The following RAPGEF1 variants were observed in gnomAD, a reference collection of about 807,000 sequenced individuals.
The protein encoded by RAPGEF1 is CRK SH3-binding GNRP.
A neutral mutation model predicts 143.3 loss-of-function variants in RAPGEF1; 33 were observed. That is an observed-to-expected ratio of 0.23 (90% CI 0.17 to 0.31). RAPGEF1 has a LOEUF of 0.31. Among genes scored for constraint, RAPGEF1 ranks in the 10% least tolerant of loss-of-function variants. RAPGEF1 has a pLI of 1.00. For synonymous variants in RAPGEF1, 629 were observed against 676.5 expected (o/e 0.93, Z 1.09); for missense variants, 1,199 against 1,645.4 (o/e 0.73, Z 4.69).
chr9:131,631,355 C>G (rs1964798159), intron 5 of RAPGEF1, among the ~76,000 whole-genome samples: 1 of 152,262 alleles, frequency 6.6e-6, no homozygotes, highest in Non-Finnish European at 1.5e-5. Context: ...CAGCCCCTGG[C>G]AGCTGCCAAT....
intron 1 of RAPGEF1, among the ~76,000 whole-genome samples, chr9:131,684,347 G>C (rs961272695): frequency 3.3e-5 from 5 of 152,306 alleles, no homozygotes; most frequent in Non-Finnish European, 5.9e-5. Flanking sequence ...AGTGTTTTGC[G>C]GTGATGGGCA....
intron 18 of RAPGEF1, 21 bp downstream of exon 18, chr9:131,592,078 G>A: frequency 6.3e-7 from 1 of 1,577,918 alleles, no homozygotes; most frequent in Non-Finnish European, 8.7e-7. Flanking sequence ...CAGGGGCCCT[G>A]GGTCAGGAAG....
intron 12 of RAPGEF1, among the ~76,000 whole-genome samples, chr9:131,606,618 C>T (rs1051682530): frequency 3.9e-5 from 6 of 152,122 alleles, no homozygotes; most frequent in African/African-American, 1.4e-4. Context: ...TTTAAACTAA[C>T]AAGAGGTCAA....
chr9:131,703,519 T>A (rs1046497010), intron 1 of RAPGEF1, among the ~76,000 whole-genome samples: 2 of 152,112 alleles, frequency 1.3e-5, no homozygotes, highest in African/African-American at 4.8e-5. Context: ...GACTCCTTCA[T>A]CCTCACAACA....
intron 20 of RAPGEF1, among the ~76,000 whole-genome samples, chr9:131,588,304 C>T (rs975829426): frequency 6.6e-6 from 1 of 152,226 alleles, no homozygotes; most frequent in African/African-American, 2.4e-5. Context: ...AGCTCATGGA[C>T]AGTTGAGATG....
intron 5 of RAPGEF1, 141 bp downstream of exon 5, chr9:131,638,494 T>C: frequency 1.1e-6 from 1 of 930,602 alleles, no homozygotes; most frequent in Non-Finnish European, 1.6e-6. Flanking sequence ...TAAGTAGTTA[T>C]GGGATAGAGC....
intron 1 of RAPGEF1, among the ~76,000 whole-genome samples, chr9:131,666,097 G>C (rs1424948873): frequency 6.6e-6 from 1 of 152,130 alleles, no homozygotes; most frequent in East Asian, 1.9e-4. Flanking sequence ...ATGACATTCA[G>C]TCTACACCAG....
rs960381402 is a variant in RAPGEF1 at position 131,621,864 on chromosome 9, A to C, written c.1837T>G (p.Phe613Val). 1 of 1,612,500 alleles carries C rather than the reference A, an allele frequency of 6.2e-7. No individual in the cohort carries two copies. Among genetic ancestry groups the C allele is most frequent in the East Asian group, 2.2e-5 (1 of 44,836 alleles). The change falls in exon 11 of 27, where the codon TTC becomes GTC. Residue 613 changes from phenylalanine (F) to valine (V), a missense_variant. Physicochemically the swap from Phe to Val is conservative, Grantham distance 50. Around this residue, in one of 6 missense-constraint regions of RAPGEF1, gnomAD observed 293 missense variants for 356.2 expected, o/e 0.82. Coordinates refer to ENST00000683357, the MANE Select transcript of RAPGEF1 (RefSeq NM_001377935.1). This position sits in a 1 kb window ranked among gnomAD's most constrained non-coding sequence, Gnocchi z 4.5. ...TCCTGCACGGAGTCCACCCCACTGAAGGAGTCGCTGAAGCCGTATACCTCC... is the reference window on the plus strand; with the variant it reads ...TCCTGCACGGAGTCCACCCCACTGACGGAGTCGCTGAAGCCGTATACCTCC... ...LMEVYGFSDSFSGVDSVQELA... is the reference protein window; with the variant it reads ...LMEVYGFSDSVSGVDSVQELA...
rs183378858 is a variant in RAPGEF1 at position 131,703,467 on chromosome 9, T to C, written c.61+36303A>G. 5.3e-5 allele frequency among the ~76,000 whole-genome samples: 8 copies of C among 152,356 alleles called. No individual in the cohort carries two copies. The East Asian group carries it at 1.5e-3, about 29-fold the overall frequency. Reference sequence around the variant, plus strand: ...TAACAATAATAAACTGACTGGATACTGACTGCACGCCAGGCACTGTCCTAA... The same window carrying C: ...TAACAATAATAAACTGACTGGATACCGACTGCACGCCAGGCACTGTCCTAA... On this transcript the variant is annotated intron_variant, in intron 1 of 26. Coordinates refer to ENST00000683357, the MANE Select transcript of RAPGEF1 (RefSeq NM_001377935.1).
intron 1 of RAPGEF1, among the ~76,000 whole-genome samples, chr9:131,712,826 T>G: frequency 6.6e-6 from 1 of 151,946 alleles, no homozygotes; most frequent in South Asian, 2.1e-4. Context: ...CAATCATGGC[T>G]CCCCCAAAAT....
intron 1 of RAPGEF1, among the ~76,000 whole-genome samples, chr9:131,692,921 A>C (rs1393647143): frequency 1.3e-5 from 2 of 152,190 alleles, no homozygotes; most frequent in African/African-American, 4.8e-5. Flanking sequence ...CTGCTTGGCT[A>C]AAACAGGTAG....
chr9:131,718,567 G>A (rs182013827), intron 1 of RAPGEF1, among the ~76,000 whole-genome samples: 63 of 152,298 alleles, frequency 4.1e-4, no homozygotes, highest in African/African-American at 1.4e-3. Context: ...GGAGTAAATC[G>A]CAGGGGTTTA....
intron 1 of RAPGEF1, among the ~76,000 whole-genome samples, chr9:131,654,474 G>A (rs780674254): frequency 9.5e-4 from 144 of 152,304 alleles, no homozygotes; most frequent in Admixed American, 2.0e-3. Context: ...ACTTTGGGAG[G>A]CTGGGGCGGG....
At chr9:131,737,567 T>C in intron 1 of RAPGEF1, 1 of 1,568,734 alleles carries the variant, frequency 6.4e-7, no homozygotes, top group Non-Finnish European at 8.7e-7. Context: ...TGAAATGAAC[T>C]GGCCTCAGGT....
At chr9:131,586,273 CACA>C (rs1952756861) in intron 22 of RAPGEF1, among the ~76,000 whole-genome samples, 4 of 148,956 alleles carry the variant, frequency 2.7e-5, no homozygotes, top group Admixed American at 6.7e-5. Flanking sequence ...CACACACACA[CACA>C]CACACACACC....
intron 20 of RAPGEF1, 79 bp from the exon 21 acceptor site, chr9:131,588,105 C>G (rs113525739): frequency 8.1e-7 from 1 of 1,241,570 alleles, no homozygotes; most frequent in East Asian, 2.5e-5. Context: ...GGGCTGCGGG[C>G]GTCAGAGCAG....
At chr9:131,712,333 C>T (rs1360537326) in intron 1 of RAPGEF1, among the ~76,000 whole-genome samples, 1 of 152,216 alleles carries the variant, frequency 6.6e-6, no homozygotes, top group East Asian at 1.9e-4. Context: ...GGATAGGTGA[C>T]AGAATAAACC....
chr9:131,616,472 T>C (rs1221754607), intron 12 of RAPGEF1, among the ~76,000 whole-genome samples: 2 of 152,182 alleles, frequency 1.3e-5, no homozygotes, highest in East Asian at 3.9e-4. Context: ...CTGAGCTTGC[T>C]GAATTAAACC....
chr9:131,587,011 A>AAC (rs35594696), intron 22 of RAPGEF1, among the ~76,000 whole-genome samples: 4,825 of 23,878 alleles, frequency 0.2, 1,226 homozygotes, highest in Non-Finnish European at 0.25. Flanking sequence ...CTCCGTCTCA[A>AAC]ACACACACAC....
Sources: allele counts gnomAD v4.1 joint callset (sites outside exome capture counted in the v4.1 genomes callset), GRCh38; gene constraint gnomAD v4.1.1; regional missense constraint gnomAD v4.1.1; non-coding constraint Gnocchi (gnomAD v3.1); transcripts MANE v1.5; gene names NCBI Gene and HGNC (gene_info 2026-07-23, HGNC 2026-07-21).